Variants in PALM2AKAP2 observed in about 807,000 individuals in gnomAD.
PALM2AKAP2 encodes PALM2-AKAP2 fusion protein.
In PALM2AKAP2, 37 loss-of-function variants were observed where a neutral mutation model predicts 71.5. That is an observed-to-expected ratio of 0.52 (90% CI 0.40 to 0.68). PALM2AKAP2 has a LOEUF of 0.68. Ranked by LOEUF, PALM2AKAP2 falls within the 30% of genes least tolerant of loss-of-function variation. The pLI, the probability that PALM2AKAP2 is intolerant of heterozygous loss-of-function variation, is 0.00. For synonymous variants in PALM2AKAP2, 468 were observed against 478.8 expected (o/e 0.98, Z 0.29); for missense variants, 1,224 against 1,191.8 (o/e 1.03, Z -0.40).
intron 6 of PALM2AKAP2, among the ~76,000 whole-genome samples, chr9:109,940,264 C>T (rs13294193): frequency 0.099 from 15,071 of 152,090 alleles, 913 homozygotes; most frequent in East Asian, 0.17. Context: ...AACATTCCCA[C>T]AGATAATTAT....
intron 1 of PALM2AKAP2, among the ~76,000 whole-genome samples, chr9:110,069,795 C>T (rs2118578488): frequency 6.6e-6 from 1 of 152,292 alleles, no homozygotes; most frequent in African/African-American, 2.4e-5. Context: ...AGAGTGAGTC[C>T]CCGTGGTCAG....
intron 3 of PALM2AKAP2, among the ~76,000 whole-genome samples, chr9:109,881,882 T>TC (rs1300014481): frequency 1.5e-5 from 1 of 67,540 alleles, no homozygotes; most frequent in Non-Finnish European, 2.5e-5. Flanking sequence ...AGCTCTTTTT[T>TC]TTTTTTTTTT....
At chr9:109,853,051 C>T (rs1829063818) in intron 1 of PALM2AKAP2, among the ~76,000 whole-genome samples, 2 of 152,046 alleles carry the variant, frequency 1.3e-5, no homozygotes, top group African/African-American at 4.8e-5. Flanking sequence ...AGTTGCCAGA[C>T]GGACAGCTTT....
At chr9:109,691,913 T>TATATATATATACAC (rs1564115016) in intron 1 of PALM2AKAP2, among the ~76,000 whole-genome samples, 55 of 78,918 alleles carry the variant, frequency 7.0e-4, no homozygotes, top group African/African-American at 2.9e-3. Context: ...CACACACACA[T>TATATATATATACAC]ATATATATAT....
chr9:109,647,287 A>G (rs1207427012), intron 1 of PALM2AKAP2, among the ~76,000 whole-genome samples: 2 of 152,226 alleles, frequency 1.3e-5, no homozygotes, highest in Non-Finnish European at 2.9e-5. Context: ...ATATCAATAT[A>G]TACACATCTA....
intron 6 of PALM2AKAP2, among the ~76,000 whole-genome samples, chr9:109,993,312 A>G (rs1832518495): frequency 6.6e-6 from 1 of 151,624 alleles, no homozygotes; most frequent in Non-Finnish European, 1.5e-5. Flanking sequence ...TAGTGTTTCC[A>G]CTAAGAGGTG....
intron 1 of PALM2AKAP2, among the ~76,000 whole-genome samples, chr9:109,761,750 C>T: frequency 6.6e-6 from 1 of 152,198 alleles, no homozygotes; most frequent in East Asian, 1.9e-4. Context: ...ATATGTGCCA[C>T]ATTTTCTTTA....
intron 1 of PALM2AKAP2, among the ~76,000 whole-genome samples, chr9:109,819,267 A>G (rs1013629654): frequency 3.9e-5 from 6 of 152,254 alleles, no homozygotes; most frequent in Admixed American, 6.5e-5. Flanking sequence ...CAAGACATAG[A>G]ATACATTTAA....
intron 2 of PALM2AKAP2, among the ~76,000 whole-genome samples, chr9:110,151,930 C>A (rs779807704): frequency 1.3e-5 from 2 of 152,112 alleles, no homozygotes; most frequent in South Asian, 2.1e-4. Flanking sequence ...GGATAGTGAC[C>A]GATGTCCTTC....
chr9:109,948,945 T>A (rs1831572842), intron 6 of PALM2AKAP2, among the ~76,000 whole-genome samples: 1 of 152,240 alleles, frequency 6.6e-6, no homozygotes, highest in Admixed American at 6.5e-5. Flanking sequence ...ATGTTCTTCT[T>A]TTCTGTCCTT....
chr9:110,051,993 C>T (rs1326739001), intron 1 of PALM2AKAP2, among the ~76,000 whole-genome samples: 1 of 151,782 alleles, frequency 6.6e-6, no homozygotes, highest in Non-Finnish European at 1.5e-5. Context: ...AGCTCCGCTT[C>T]CCCGGTTCAC....
At chr9:109,856,583 T>C (rs1234099523) in intron 1 of PALM2AKAP2, among the ~76,000 whole-genome samples, 1 of 152,234 alleles carries the variant, frequency 6.6e-6, no homozygotes, top group African/African-American at 2.4e-5. Context: ...GAAGAGAAAG[T>C]CAAATGTTCA....
At chr9:110,036,539 T>G (rs1833414893) in intron 7 of PALM2AKAP2, among the ~76,000 whole-genome samples, 1 of 152,162 alleles carries the variant, frequency 6.6e-6, no homozygotes, top group Non-Finnish European at 1.5e-5. Context: ...AGCTTCTAAG[T>G]GCTCTCCCGG....
intron 2 of PALM2AKAP2, among the ~76,000 whole-genome samples, chr9:110,147,601 C>A (rs1389625576): frequency 1.3e-5 from 2 of 152,132 alleles, no homozygotes; most frequent in Non-Finnish European, 2.9e-5. Flanking sequence ...TATAGTGAGA[C>A]CCTGTTTCTA....
At chr9:110,146,303 C>T (rs991853290) in intron 2 of PALM2AKAP2, among the ~76,000 whole-genome samples, 6 of 152,144 alleles carry the variant, frequency 3.9e-5, no homozygotes, top group Admixed American at 1.3e-4. Flanking sequence ...AAAAGCAGAA[C>T]GTTCCCCACC....
At chr9:109,685,446 G>T (rs756866525) in intron 1 of PALM2AKAP2, among the ~76,000 whole-genome samples, 2 of 151,708 alleles carry the variant, frequency 1.3e-5, no homozygotes, top group Admixed American at 6.6e-5. Context: ...AGTCACACAA[G>T]TTTTTTTTGG....
chr9:109,849,755 TCAAAAAA>T (rs1213664536), intron 1 of PALM2AKAP2, among the ~76,000 whole-genome samples: 3 of 151,948 alleles, frequency 2.0e-5, no homozygotes, highest in Admixed American at 6.5e-5. Flanking sequence ...AAACTCTGTC[TCAAAAAA>T]CAAAAAACAA....
intron 1 of PALM2AKAP2, among the ~76,000 whole-genome samples, chr9:109,661,652 T>C (rs1019488495): frequency 1.3e-5 from 2 of 152,216 alleles, no homozygotes; most frequent in Non-Finnish European, 2.9e-5. Flanking sequence ...TGTGGGCTCT[T>C]TTTTGGTTCC....
chr9:109,821,409 T>C (rs957634762), intron 1 of PALM2AKAP2, among the ~76,000 whole-genome samples: 3 of 152,190 alleles, frequency 2.0e-5, no homozygotes, highest in Admixed American at 2.0e-4. Context: ...ATTCATATTA[T>C]CTAGTCAAAT....
Sources: allele counts gnomAD v4.1 joint callset (sites outside exome capture counted in the v4.1 genomes callset), GRCh38; gene constraint gnomAD v4.1.1; transcripts MANE v1.5; gene names NCBI Gene and HGNC (gene_info 2026-07-23, HGNC 2026-07-21).